SP110: variants seen among roughly 807,000 people sequenced by gnomAD.
SP110 encodes the protein interferon-induced protein 41, 30kD.
A neutral mutation model predicts 92.7 loss-of-function variants in SP110; 62 were observed. The ratio of observed to expected loss-of-function variants is 0.67; its 90% CI spans 0.55 to 0.83. SP110 has a LOEUF of 0.83. SP110 is among the 40% of genes least tolerant of loss of function. SP110 has a pLI of 0.00. For missense variants in SP110, 793 were observed against 863.9 expected, an observed-to-expected ratio of 0.92 and a Z score of 1.03; for synonymous variants, 273 against 305.3, an observed-to-expected ratio of 0.89 and a Z score of 1.10.
At chr2:230,221,098 T>G (rs987068743), upstream of SP110, among the ~76,000 whole-genome samples, 2 of 151,714 alleles carry the variant, frequency 1.3e-5, no homozygotes, top group African/African-American at 4.8e-5. Context: ...CTGGCCAACA[T>G]GGTGAAACCC....
intron 1 of SP110, among the ~76,000 whole-genome samples, chr2:230,217,152 G>A (rs886617724): frequency 1.8e-4 from 26 of 145,946 alleles, no homozygotes; most frequent in African/African-American, 5.4e-4. Context: ...AGGCTGAGGC[G>A]GGAAAATTGC....
In SP110 at chr2:230,178,220, A is replaced by G; in HGVS notation, c.1384T>C (p.Ser462Pro). The change falls in exon 13 of 19, where the codon TCT becomes CCT. Residue 462 changes from serine to proline, a missense_variant. Physicochemically the swap from Ser to Pro is moderately conservative, Grantham distance 74. Coordinates refer to ENST00000258381, the MANE Select transcript of SP110 (RefSeq NM_080424.4). ...PKSDTVDFHC[S>P]KLPVTCGEAK... ...TCACCACAGGTCACGGGGAGCTTAG[A>G]ACAGTGAAAATCCACAGTGTCACTT... is the stretch of plus-strand genomic sequence containing the variant. 1 of 1,613,606 alleles carries G rather than the reference A, an allele frequency of 6.2e-7. No individual in the cohort carries two copies. Among genetic ancestry groups the G allele is most frequent in the South Asian group, 1.1e-5 (1 of 91,040 alleles).
intron 12 of SP110, among the ~76,000 whole-genome samples, chr2:230,179,143 A>G (rs1287584313): frequency 2.6e-5 from 4 of 152,184 alleles, no homozygotes; most frequent in Non-Finnish European, 2.9e-5. Flanking sequence ...GCATTGACGG[A>G]AAGGTGAAGG....
Position 230,170,725 on chromosome 2 carries a change from A to G in SP110, c.1924T>C (p.Trp642Arg). Residue 642 changes from tryptophan to arginine, a missense_variant, in exon 18 of 19, where the codon TGG becomes CGG. Transcript: ENST00000258381. ...AGCCTTTCCTTAACCAGGTCCAACC[A>G]CATTGCTTCCTGAAAGGGCTCACCG... ...DYGEPFQEAMWLDLVKERLIT... is the reference protein window; with the variant it reads ...DYGEPFQEAMRLDLVKERLIT... 1 of 1,614,136 alleles carries G rather than the reference A, an allele frequency of 6.2e-7. No homozygotes were observed.
Position 230,171,687 on chromosome 2 carries a change from G to A in SP110, c.1887+9C>T. On this transcript the variant is annotated intron_variant, in intron 17 of 18. Coordinates refer to ENST00000258381, the MANE Select transcript of SP110 (RefSeq NM_080424.4). Reference sequence around the variant, plus strand: ...ATTTTATGCAAGAGAACCGTAAAATGTGACTTACATTAAATGGGATGCCCG... The same window carrying A: ...ATTTTATGCAAGAGAACCGTAAAATATGACTTACATTAAATGGGATGCCCG... The A allele has an allele frequency of 6.2e-7, 1 of 1,606,754 alleles. No individual in the cohort carries two copies. Among genetic ancestry groups the A allele is most frequent in the Non-Finnish European group, 8.5e-7 (1 of 1,173,196 alleles).
chr2:230,200,984 T>C lies in SP110; in HGVS notation c.1049-19A>G. On this transcript the variant is annotated intron_variant, in intron 9 of 18. Transcript: ENST00000258381. Reference sequence around the variant, plus strand: ...ATGATCTCTGGAAAATGAAAGATCTTAGTAAATGCCCCTTGGGAAACACCA... The same window carrying C: ...ATGATCTCTGGAAAATGAAAGATCTCAGTAAATGCCCCTTGGGAAACACCA... 1 of 1,580,152 alleles carries C rather than the reference T, an allele frequency of 6.3e-7. No homozygotes were observed. Among genetic ancestry groups the C allele is most frequent in the South Asian group, 1.1e-5 (1 of 90,418 alleles).
intron 14 of SP110, chr2:230,176,600 A>C (rs751508693): frequency 1.8e-5 from 29 of 1,613,060 alleles, no homozygotes; most frequent in Non-Finnish European, 2.4e-5. Context: ...GAAACTCAGA[A>C]GCTCTAAGGT....
At chr2:230,177,788 C>G in intron 13 of SP110, 108 bp from the exon 14 acceptor site, 2 of 1,266,702 alleles carry the variant, frequency 1.6e-6, no homozygotes, top group Non-Finnish European at 2.3e-6. Flanking sequence ...AGAGAGACTT[C>G]CTCTGTGAGG....
At chr2:230,210,066 A>G (rs529371678) in intron 6 of SP110, 58 bp from the exon 7 acceptor site, 2 of 1,054,292 alleles carry the variant, frequency 1.9e-6, no homozygotes, top group Admixed American at 3.4e-5. Context: ...GAAAGTGCTG[A>G]GGGAAGTCAA....
intron 9 of SP110, among the ~76,000 whole-genome samples, chr2:230,202,377 G>A (rs972222381): frequency 3.3e-5 from 5 of 152,178 alleles, no homozygotes; most frequent in African/African-American, 1.2e-4. Context: ...CTGTCCCTGT[G>A]AACACGTCTG....
chr2:230,169,021 G>T lies in SP110; in HGVS notation c.*103C>A. 1.2e-6 allele frequency: 1 copy of T among 804,384 alleles called. No homozygotes were observed. Among genetic ancestry groups the T allele is most frequent in the Non-Finnish European group, 2.2e-6 (1 of 448,698 alleles). The allele number at this position is 804,384 out of a possible 1,614,324, so 49.8% of individuals were successfully genotyped here. ...GAAGTGTCTGGGTTTGGGTCCTGAG[G>T]GCAGCCAATTACATCCCAGACTCAC... On this transcript the variant is annotated 3_prime_UTR_variant, in exon 19 of 19. Coordinates refer to ENST00000258381, the MANE Select transcript of SP110 (RefSeq NM_080424.4).
upstream of SP110, among the ~76,000 whole-genome samples, chr2:230,222,979 G>T (rs1008067644): frequency 2.9e-4 from 44 of 150,452 alleles, no homozygotes. Flanking sequence ...TAGCAGGTAT[G>T]CTAGCCACCA....
intron 10 of SP110, among the ~76,000 whole-genome samples, chr2:230,192,372 A>G (rs1392805313): frequency 6.6e-6 from 1 of 152,174 alleles, no homozygotes; most frequent in East Asian, 1.9e-4. Flanking sequence ...ACATGATTAT[A>G]TACTTAGAAA....
chr2:230,202,601 A>G lies in SP110; in HGVS notation c.1026T>C (p.Cys342=). The change falls in exon 9 of 19, where the codon TGT becomes TGC. Residue 342 remains cysteine, a synonymous_variant. Transcript: ENST00000258381. ...TACCCTCTGATCTCGACTTTCGGGC[A>G]CATTCAGTTCTCGCCTTTTGGGCCC... ...ETRAQKARTE[C]ARKSRSEEII... is the part of the protein sequence containing the mutation. 2 of 1,614,190 alleles carry G rather than the reference A, an allele frequency of 1.2e-6. No homozygotes were observed. Among genetic ancestry groups the G allele is most frequent in the Non-Finnish European group, 1.7e-6 (2 of 1,180,020 alleles).
intron 12 of SP110, among the ~76,000 whole-genome samples, chr2:230,179,168 C>G (rs979927142): frequency 6.6e-6 from 1 of 152,122 alleles, no homozygotes; most frequent in African/African-American, 2.4e-5. Context: ...GTATCAGCGG[C>G]GAAGAAGCCA....
chr2:230,213,849 T>A (rs1005135920), intron 3 of SP110: 3 of 152,318 alleles, frequency 2.0e-5, no homozygotes, highest in Admixed American at 1.3e-4. Context: ...CCTCTCCTAG[T>A]ATTGCCCAGA....
intron 14 of SP110, among the ~76,000 whole-genome samples, chr2:230,174,642 C>T (rs73998761): frequency 0.017 from 2,539 of 152,344 alleles, 65 homozygotes; most frequent in African/African-American, 0.057. Context: ...CTTCTGGAGA[C>T]GGAGGCTCTC....
intron 11 of SP110, among the ~76,000 whole-genome samples, chr2:230,185,087 A>G (rs905501295): frequency 3.3e-5 from 5 of 152,196 alleles, no homozygotes; most frequent in Non-Finnish European, 7.3e-5. Context: ...CTTCTCTCTC[A>G]TGCTGTTTGT....
At chr2:230,195,726 ATTACACAG>A (rs2042840079) in intron 10 of SP110, among the ~76,000 whole-genome samples, 2 of 152,212 alleles carry the variant, frequency 1.3e-5, no homozygotes, top group South Asian at 4.1e-4. Flanking sequence ...AGGGCCAGAA[ATTACACAG>A]TTATGAGATA....
Sources: gnomAD v4.1 joint callset for allele counts (sites outside exome capture counted in the v4.1 genomes callset) on GRCh38, gnomAD v4.1.1 for gene constraint, MANE v1.5 for transcripts, NCBI Gene and HGNC (gene_info 2026-07-23, HGNC 2026-07-21) for gene names.